Variants in JAK1 observed in about 807,000 individuals in gnomAD.
JAK1 encodes Janus kinase 1.
A neutral mutation model predicts 136.6 loss-of-function variants in JAK1; 16 were observed. That is an observed-to-expected ratio of 0.12 (90% CI 0.08 to 0.18). The LOEUF (loss-of-function observed/expected upper bound fraction) is 0.18, where lower values mean the gene tolerates loss of function less well. Among genes scored for constraint, JAK1 ranks in the 10% least tolerant of loss-of-function variants. The pLI, the probability that JAK1 is intolerant of heterozygous loss-of-function variation, is 1.00. For missense variants in JAK1, 859 were observed against 1,450.1 expected (o/e 0.59, Z 6.62); for synonymous variants, 492 against 519.5 (o/e 0.95, Z 0.72).
At chr1:65,065,767 G>A (rs753356273) in intron 1 of JAK1, among the ~76,000 whole-genome samples, 1 of 150,816 alleles carries the variant, frequency 6.6e-6, no homozygotes, top group Non-Finnish European at 1.5e-5. Context: ...CTTAGGCCTG[G>A]CTCTGGGTTA....
chr1:64,978,446 C>G (rs899081184), intron 2 of JAK1, among the ~76,000 whole-genome samples: 4 of 152,166 alleles, frequency 2.6e-5, no homozygotes, highest in Admixed American at 6.5e-5. Context: ...TGTTACTAAT[C>G]TTATTTATTA....
intron 3 of JAK1, among the ~76,000 whole-genome samples, chr1:64,879,608 G>GACATGCAAACAAATTCCTGGCAGT (rs1178418825): frequency 1.3e-5 from 2 of 152,130 alleles, no homozygotes; most frequent in African/African-American, 4.8e-5. Context: ...TTATACATCA[G>GACATGCAAACAAATTCCTGGCAGT]ACATGCAAAC....
intron 7 of JAK1, among the ~76,000 whole-genome samples, chr1:64,865,511 G>A (rs1656642002): frequency 6.6e-6 from 1 of 152,188 alleles, no homozygotes; most frequent in African/African-American, 2.4e-5. Context: ...TGTGTCGCAT[G>A]AGCCCTGGAG....
Position 64,984,644 on chromosome 1 carries a change from T to A in JAK1, c.-78+59836A>T. 5.8e-6 allele frequency: 3 copies of A among 520,930 alleles called. No homozygotes were observed. Among genetic ancestry groups the A allele is most frequent in the Non-Finnish European group, 1.1e-5 (3 of 275,340 alleles). 32.3% of individuals were successfully genotyped at this position (520,930 alleles called of 1,614,324 possible). ...GTGGTCTCCTTAGCAGGCTGGATAC[T>A]GTTCATCTCCATGACACAGTCCTTC... is the stretch of plus-strand genomic sequence containing the variant. On this transcript the variant is annotated intron_variant, in intron 2 of 25. Coordinates refer to the JAK1 transcript ENST00000671954. The surrounding 1 kb of genome is among the most constrained non-coding windows in gnomAD (Gnocchi z 4.1).
intron 1 of JAK1, among the ~76,000 whole-genome samples, chr1:64,940,775 C>T (rs866150372): frequency 1.3e-5 from 2 of 152,154 alleles, no homozygotes; most frequent in Non-Finnish European, 2.9e-5. Flanking sequence ...ACATTTGTAG[C>T]TGAACATGAT....
At chr1:64,862,045 T>G (rs897706518) in intron 8 of JAK1, among the ~76,000 whole-genome samples, 5 of 152,224 alleles carry the variant, frequency 3.3e-5, no homozygotes, top group African/African-American at 9.7e-5. Flanking sequence ...CATGAAGGTC[T>G]GACTTGACAA....
chr1:64,878,559 GTGTATATATATA>G (rs1238034703), intron 4 of JAK1, among the ~76,000 whole-genome samples: 816 of 79,216 alleles, frequency 0.01, 3 homozygotes, highest in African/African-American at 0.016. Context: ...TATATATAGT[GTGTATATATATA>G]TATATATATA....
intron 1 of JAK1, among the ~76,000 whole-genome samples, chr1:65,061,248 GTC>G (rs946526476): frequency 6.6e-6 from 1 of 152,026 alleles, no homozygotes; most frequent in East Asian, 1.9e-4. Context: ...GTGGAAGCCT[GTC>G]TCTACAAAAA....
At chr1:65,024,104 T>C (rs988993591) in intron 2 of JAK1, among the ~76,000 whole-genome samples, 1 of 152,170 alleles carries the variant, frequency 6.6e-6, no homozygotes, top group African/African-American at 2.4e-5. Flanking sequence ...TGCGGCCATA[T>C]ATTTCCATGT....
chr1:64,949,298 T>C (rs1296665086), intron 1 of JAK1, among the ~76,000 whole-genome samples: 2 of 152,192 alleles, frequency 1.3e-5, no homozygotes, highest in East Asian at 1.9e-4. Flanking sequence ...CATCACTGTC[T>C]TAGGGAAACC....
intron 8 of JAK1, among the ~76,000 whole-genome samples, chr1:64,863,859 G>A (rs1656520812): frequency 6.6e-6 from 1 of 151,956 alleles, no homozygotes; most frequent in African/African-American, 2.4e-5. Context: ...AATTACTACT[G>A]GAATGAATAT....
At chr1:64,839,548 T>C (rs561780020) in intron 20 of JAK1, 55 bp downstream of exon 20, 2 of 1,520,702 alleles carry the variant, frequency 1.3e-6, no homozygotes, top group East Asian at 4.6e-5. Flanking sequence ...CTGGCCTTTA[T>C]GACCCTAGAC....
At chr1:64,978,611 C>A (rs1266042476) in intron 2 of JAK1, among the ~76,000 whole-genome samples, 2 of 152,108 alleles carry the variant, frequency 1.3e-5, no homozygotes, top group Non-Finnish European at 1.5e-5. Flanking sequence ...TCCTCTGAGG[C>A]CAGTGAGCCC....
Position 64,883,469 on chromosome 1 carries a change from T to G in JAK1, c.13A>C (p.Asn5His). The G allele has an allele frequency of 6.2e-7, 1 of 1,613,470 alleles. No homozygotes were observed. Among genetic ancestry groups the G allele is most frequent in the Non-Finnish European group, 8.5e-7 (1 of 1,179,534 alleles). MQYL[N>H]IKEDCNAMAF... Reference sequence around the variant, plus strand: ...ATGGCATTGCAGTCCTCTTTTATATTTAGATACTGTTGTGGAAGGAAAACA... The same window carrying G: ...ATGGCATTGCAGTCCTCTTTTATATGTAGATACTGTTGTGGAAGGAAAACA... The change falls in exon 3 of 25, where the codon AAT becomes CAT. Residue 5 changes from asparagine (N) to histidine (H), a missense_variant. Physicochemically the swap from Asn to His is moderately conservative, Grantham distance 68. Transcript: ENST00000342505.
At chr1:64,920,376 C>T (rs935696423) in intron 1 of JAK1, among the ~76,000 whole-genome samples, 2 of 152,032 alleles carry the variant, frequency 1.3e-5, no homozygotes, top group Admixed American at 6.6e-5. Context: ...CTCATCTCTA[C>T]ATAAAACATA....
chr1:65,022,497 CT>C (rs1309858060), intron 2 of JAK1, among the ~76,000 whole-genome samples: 1 of 152,070 alleles, frequency 6.6e-6, no homozygotes, highest in Non-Finnish European at 1.5e-5. Flanking sequence ...GCCCATTAAA[CT>C]GATCAGTAGG....
chr1:65,037,623 T>G (rs1462298846), intron 2 of JAK1, among the ~76,000 whole-genome samples: 1 of 152,170 alleles, frequency 6.6e-6, no homozygotes, highest in African/African-American at 2.4e-5. Flanking sequence ...ATAAAGTAAC[T>G]GTACCCAGGT....
At chr1:64,925,868 G>A (rs1392277993) in intron 1 of JAK1, among the ~76,000 whole-genome samples, 3 of 152,204 alleles carry the variant, frequency 2.0e-5, no homozygotes, top group Non-Finnish European at 4.4e-5. Flanking sequence ...CTCCAAGCCT[G>A]TGCCAGTTAT....
rs2101216683 is a variant in JAK1, at chr1:64,879,093, G to C, written c.261C>G (p.Leu87=). 1 of 1,614,004 alleles carries C rather than the reference G, an allele frequency of 6.2e-7. No homozygotes were observed. The highest frequency in any genetic ancestry group is 1.1e-5 in the South Asian group (1 of 91,076). ...TGATGGTGCGATTTGGAGCATACCA[G>C]AGCTTGGTGTTCTCGTCATACAGGG... The part of the protein sequence containing the change: ...LFALYDENTK[L]WYAPNRTITV... The change falls in exon 4 of 25, where the codon CTC becomes CTG. Residue 87 remains leucine (L), a synonymous_variant. Transcript: ENST00000342505.
Sources: gnomAD v4.1 joint callset for allele counts (sites outside exome capture counted in the v4.1 genomes callset) on GRCh38, gnomAD v4.1.1 for gene constraint, Gnocchi (gnomAD v3.1) non-coding constraint, MANE v1.5 for transcripts, NCBI Gene and HGNC (gene_info 2026-07-23, HGNC 2026-07-21) for gene names.